LGR4: variants seen among roughly 807,000 people sequenced by gnomAD.
LGR4 encodes leucine-rich repeat-containing G protein-coupled receptor 4.
In LGR4, 44 loss-of-function variants were observed where a neutral mutation model predicts 84.8. The observed-to-expected ratio is 0.52, with a 90% confidence interval of 0.41 to 0.67. The LOEUF (loss-of-function observed/expected upper bound fraction) is 0.67. LGR4 is among the 30% of genes least tolerant of loss of function. The pLI, the probability that LGR4 is intolerant of heterozygous loss-of-function variation, is 0.00. For synonymous variants in LGR4, 429 were observed against 434.3 expected (o/e 0.99, Z 0.15); for missense variants, 1,032 against 1,131.4 (o/e 0.91, Z 1.26).
intron 1 of LGR4, among the ~76,000 whole-genome samples, chr11:27,461,794 T>G (rs1487265259): frequency 6.7e-6 from 1 of 148,970 alleles, no homozygotes; most frequent in Non-Finnish European, 1.5e-5. Flanking sequence ...GAAACTACAG[T>G]GGGCTCTCAT....
chr11:27,441,669 G>A (rs1864306205), intron 1 of LGR4, among the ~76,000 whole-genome samples: 1 of 152,320 alleles, frequency 6.6e-6, no homozygotes, highest in Non-Finnish European at 1.5e-5. Flanking sequence ...AGGGGCTGTA[G>A]TCAGAGGGAT....
chr11:27,448,380 C>T (rs902223206), intron 1 of LGR4, among the ~76,000 whole-genome samples: 1 of 151,692 alleles, frequency 6.6e-6, no homozygotes, highest in Non-Finnish European at 1.5e-5. Flanking sequence ...ACAAGCTCCG[C>T]CTCCTGGCTT....
chr11:27,367,933 G>A lies in LGR4; in HGVS notation c.2790C>T (p.Cys930=). 6.2e-7 allele frequency: 1 copy of A among 1,613,120 alleles called. No individual in the cohort carries two copies. The change falls in exon 18 of 18, where the codon TGC becomes TGT. Residue 930 remains cysteine, a synonymous_variant. Transcript: ENST00000379214. ...SDQVQACGRA[C]FYQSRGFPLV... ...AAGGGAATCCTCTACTCTGGTAGAA[G>A]CAGGCTCGTCCACAGGCCTGCACCT...
chr11:27,407,266 T>C (rs1161580105), intron 2 of LGR4, among the ~76,000 whole-genome samples: 1 of 152,154 alleles, frequency 6.6e-6, no homozygotes, highest in African/African-American at 2.4e-5. Context: ...AGTTAGATGT[T>C]GACCTACTTA....
At chr11:27,404,182 A>G (rs753062355) in intron 2 of LGR4, among the ~76,000 whole-genome samples, 1 of 152,232 alleles carries the variant, frequency 6.6e-6, no homozygotes, top group Non-Finnish European at 1.5e-5. Context: ...TAAATGAGCC[A>G]GCAAACCATG....
intron 2 of LGR4, among the ~76,000 whole-genome samples, chr11:27,402,551 C>T (rs1331319750): frequency 1.3e-5 from 2 of 152,138 alleles, no homozygotes; most frequent in African/African-American, 2.4e-5. Context: ...AGTTTTGTCA[C>T]TTGCTGCCAA....
At chr11:27,459,177 G>A (rs1864629863) in intron 1 of LGR4, among the ~76,000 whole-genome samples, 1 of 152,108 alleles carries the variant, frequency 6.6e-6, no homozygotes, top group South Asian at 2.1e-4. Flanking sequence ...TAGAAGAGAT[G>A]TCTATATAAA....
In LGR4 at chr11:27,385,419, C is replaced by G. The variant is rs1424977595; in HGVS notation, c.451G>C (p.Gly151Arg). Residue 151 changes from glycine to arginine, a missense_variant, in exon 5 of 18, where the codon GGA becomes CGA. Gly to Arg is a moderately radical substitution (Grantham distance 125, BLOSUM62 -2). Transcript: ENST00000379214. ...ITSVPEDSFE[G>R]LVQLRHLWLD... Reference sequence around the variant, plus strand: ...CACAGATGCCGTAACTGAACAAGTCCTTCAAAACTGTCCTCGGGGACTGAG... The same window carrying G: ...CACAGATGCCGTAACTGAACAAGTCGTTCAAAACTGTCCTCGGGGACTGAG... 1.9e-6 allele frequency: 3 copies of G among 1,611,540 alleles called. No homozygotes were observed. Among genetic ancestry groups the G allele is most frequent in the East Asian group, 4.5e-5 (2 of 44,822 alleles).
At chr11:27,412,700 A>C (rs1182635531) in intron 2 of LGR4, 89 bp downstream of exon 2, 13 of 832,064 alleles carry the variant, frequency 1.6e-5, no homozygotes, top group Admixed American at 1.2e-4. Flanking sequence ...AATGTCTAAC[A>C]GAAAACATCA....
chr11:27,465,656 T>G (rs1565102597), intron 1 of LGR4, among the ~76,000 whole-genome samples: 1 of 152,236 alleles, frequency 6.6e-6, no homozygotes, highest in African/African-American at 2.4e-5. Context: ...GTTGAGAAGT[T>G]ATCAACTGTA....
rs1048859096 is a variant in LGR4 at position 27,391,643 on chromosome 11, C to T, written c.330-478G>A. 1.4e-4 allele frequency among the ~76,000 whole-genome samples: 21 copies of T among 151,868 alleles called. 1 individual carries two copies. The stretch of plus-strand genomic sequence containing the variant: ...TCAAGCGGATGGCAGATCCCAAGCT[C>T]TTAAGGAACAGCAGGCATGTCCTCA... On this transcript the variant is annotated intron_variant, in intron 3 of 17. Transcript: ENST00000379214.
Position 27,385,273 on chromosome 11 carries a change from G to A in LGR4, c.597C>T (p.Asn199=), listed in dbSNP as rs1303655462. The A allele has an allele frequency of 6.3e-7, 1 of 1,582,172 alleles. No homozygotes were observed. The highest frequency in any genetic ancestry group is 1.4e-5 in the African/African-American group (1 of 74,044). ...CTTACAGAACTACCAGGCTTGAAAG[G>A]TTGGTAAATGCAAAGTCAGGGATGC... ...ISSIPDFAFT[N]LSSLVVLHLH... Residue 199 remains asparagine (N), a synonymous_variant, in exon 5 of 18, where the codon AAC becomes AAT. Coordinates refer to ENST00000379214, the MANE Select transcript of LGR4 (RefSeq NM_018490.5).
At chr11:27,405,689 A>G (rs1863593352) in intron 2 of LGR4, among the ~76,000 whole-genome samples, 1 of 152,108 alleles carries the variant, frequency 6.6e-6, no homozygotes, top group Admixed American at 6.6e-5. Context: ...TTCATTGTTA[A>G]TGATGTTACC....
At chr11:27,414,059 T>A (rs958743209) in intron 1 of LGR4, among the ~76,000 whole-genome samples, 3 of 152,052 alleles carry the variant, frequency 2.0e-5, no homozygotes, top group African/African-American at 7.2e-5. Flanking sequence ...GCAGCTAAGA[T>A]GCAGTGCATG....
At chr11:27,465,937 A>T (rs779936555) in intron 1 of LGR4, among the ~76,000 whole-genome samples, 4 of 152,148 alleles carry the variant, frequency 2.6e-5, no homozygotes, top group Non-Finnish European at 5.9e-5. Flanking sequence ...AAAAAACCAC[A>T]CTTCACCGAA....
chr11:27,416,686 C>G (rs1863826618), intron 1 of LGR4, among the ~76,000 whole-genome samples: 1 of 152,146 alleles, frequency 6.6e-6, no homozygotes, highest in Non-Finnish European at 1.5e-5. Flanking sequence ...GAGAACCCTT[C>G]AAGATCAAAT....
rs1453512314 is a variant in LGR4, at chr11:27,472,226, G to T, written c.77C>A (p.Pro26Gln). ...GCTGCAGGGCGCCGCGCAGAGAGGC[G>T]GCGCCGCGCCGCTGGGCCCGGCCGA... is the stretch of plus-strand genomic sequence containing the variant. Reference protein sequence around the residue: ...LGSAGPSGAAPPLCAAPCSCD... With the variant: ...LGSAGPSGAAQPLCAAPCSCD... The change falls in exon 1 of 18, where the codon CCG (proline) becomes CAG (glutamine). Residue 26 changes from proline to glutamine, a missense_variant. Pro to Gln is a moderately conservative substitution (Grantham distance 76). Transcript: ENST00000379214. 2.2e-6 allele frequency: 3 copies of T among 1,348,520 alleles called. 1 individual carries two copies. The highest frequency in any genetic ancestry group is 3.5e-5 in the South Asian group (2 of 56,650). The allele number at this position is 1,348,520 out of a possible 1,614,324, so 83.5% of individuals were successfully genotyped here. A position where few individuals can be genotyped will look rare whatever the true frequency, so the allele number is the denominator to read the frequency against.
chr11:27,374,788 A>T (rs769606605), intron 13 of LGR4, among the ~76,000 whole-genome samples: 3 of 152,198 alleles, frequency 2.0e-5, no homozygotes, highest in Non-Finnish European at 4.4e-5. Flanking sequence ...AGTGATGGCA[A>T]CTAGGAGCCA....
At chr11:27,435,921 T>A (rs1332997060) in intron 1 of LGR4, among the ~76,000 whole-genome samples, 1 of 151,912 alleles carries the variant, frequency 6.6e-6, no homozygotes, top group East Asian at 1.9e-4. Flanking sequence ...ACTTCTTTTT[T>A]TTTTTTTGAG....
Sources: gnomAD v4.1 joint callset for allele counts (sites outside exome capture counted in the v4.1 genomes callset) on GRCh38, gnomAD v4.1.1 for gene constraint, MANE v1.5 for transcripts, NCBI Gene and HGNC (gene_info 2026-07-23, HGNC 2026-07-21) for gene names.